Variants in CCDC88C observed in about 807,000 individuals in gnomAD.
CCDC88C encodes the protein coiled-coil and HOOK domain protein 88C.
In CCDC88C, 131 loss-of-function variants were observed where a neutral mutation model predicts 198.8. The ratio of observed to expected loss-of-function variants is 0.66; its 90% CI spans 0.57 to 0.76. The LOEUF (loss-of-function observed/expected upper bound fraction) is 0.76. CCDC88C is among the 30% of genes least tolerant of loss of function. CCDC88C has a pLI of 0.00. For synonymous variants in CCDC88C, 1,166 were observed against 1,114.7 expected, an observed-to-expected ratio of 1.05 and a Z score of -0.92; for missense variants, 2,553 against 2,631.6, an observed-to-expected ratio of 0.97 and a Z score of 0.65.
intron 3 of CCDC88C, among the ~76,000 whole-genome samples, chr14:91,376,789 G>A (rs1050138044): frequency 3.9e-5 from 6 of 152,150 alleles, no homozygotes; most frequent in African/African-American, 9.7e-5. Flanking sequence ...GGCTGCCCAC[G>A]ACACCCAGGC....
chr14:91,417,722 C>G lies in CCDC88C; in HGVS notation c.-32G>C. 6.8e-7 allele frequency: 1 copy of G among 1,479,632 alleles called. No homozygotes were observed. Among genetic ancestry groups the G allele is most frequent in the East Asian group, 2.9e-5 (1 of 34,176 alleles). The allele number at this position is 1,479,632 out of a possible 1,614,324, so 91.7% of individuals were successfully genotyped here. ...GCTGCGCCCGCCGGCTCCGCGCCCC[C>G]CGCCCCGCGTCCCCGTTCCCCCGCG... is the stretch of plus-strand genomic sequence containing the variant. On this transcript the variant is annotated 5_prime_UTR_variant, in exon 1 of 30. Coordinates refer to ENST00000389857, the MANE Select transcript of CCDC88C (RefSeq NM_001080414.4).
chr14:91,276,119 C>T (rs1314301940), intron 29 of CCDC88C, among the ~76,000 whole-genome samples: 1 of 152,026 alleles, frequency 6.6e-6, no homozygotes, highest in Non-Finnish European at 1.5e-5. Context: ...CGCGCCCGGC[C>T]AGACCAGTGG....
At chr14:91,281,134 G>A (rs1172133139) in intron 27 of CCDC88C, 1 of 507,182 alleles carries the variant, frequency 2.0e-6, no homozygotes, top group Non-Finnish European at 3.8e-6. Context: ...GGACAGCAAG[G>A]GACCTTCTTG....
intron 28 of CCDC88C, 34 bp from the exon 29 acceptor site, chr14:91,278,245 T>A (rs1246039423): frequency 1.1e-5 from 17 of 1,559,680 alleles, no homozygotes; most frequent in Non-Finnish European, 1.5e-5. Context: ...AGGACCCTCA[T>A]CAGTCTTGGC....
chr14:91,408,907 A>C (rs1203786843), intron 2 of CCDC88C, 140 bp from the exon 3 acceptor site: 2 of 643,578 alleles, frequency 3.1e-6, no homozygotes, highest in Non-Finnish European at 5.7e-6. Context: ...TTCAAGTCAA[A>C]TCCCAATCCT....
intron 4 of CCDC88C, among the ~76,000 whole-genome samples, chr14:91,350,183 C>CA (rs1893725791): frequency 6.7e-6 from 1 of 149,468 alleles, no homozygotes; most frequent in Non-Finnish European, 1.5e-5. Flanking sequence ...TTTTTGGAGA[C>CA]AGAGTCTCAC....
At chr14:91,293,781 G>C (rs946949153) in intron 23 of CCDC88C, among the ~76,000 whole-genome samples, 1 of 152,178 alleles carries the variant, frequency 6.6e-6, no homozygotes, top group Non-Finnish European at 1.5e-5. Context: ...GCACCTCACA[G>C]GGCCCAACAA....
At chr14:91,280,746 T>C (rs1890162494) in intron 27 of CCDC88C, among the ~76,000 whole-genome samples, 1 of 152,202 alleles carries the variant, frequency 6.6e-6, no homozygotes, top group Admixed American at 6.5e-5. Context: ...AGTGTAAAGA[T>C]GTAAGACTCC....
At chr14:91,353,523 T>C (rs1317711072) in intron 4 of CCDC88C, among the ~76,000 whole-genome samples, 1 of 152,160 alleles carries the variant, frequency 6.6e-6, no homozygotes. Flanking sequence ...GCTCCTTTTG[T>C]GAGCCTCTGG....
intron 23 of CCDC88C, 49 bp from the exon 24 acceptor site, chr14:91,291,133 C>G (rs868181544): frequency 9.0e-7 from 1 of 1,111,654 alleles, no homozygotes; most frequent in African/African-American, 1.5e-5. Context: ...TTAAATCAAA[C>G]AAGTGAATTT....
chr14:91,392,508 T>C (rs1885565789), intron 3 of CCDC88C, among the ~76,000 whole-genome samples: 1 of 152,174 alleles, frequency 6.6e-6, no homozygotes, highest in Admixed American at 6.5e-5. Flanking sequence ...TCAAAAGGAA[T>C]GAGATCAAAA....
Position 91,299,096 on chromosome 14 carries a change from T to C in CCDC88C, c.3779+831A>G, listed in dbSNP as rs553059261. Among the ~76,000 whole-genome samples, 3 of 152,202 alleles carry C rather than the reference T, an allele frequency of 2.0e-5. No homozygotes were observed. In the South Asian group the frequency reaches 6.2e-4, roughly 32 times the overall value. ...CCAGCCTAGGGAAAAAATATAGAAT[T>C]AGGTTCCCGGGAGCCTCTGGCCACA... On this transcript the variant is annotated intron_variant, in intron 21 of 29. Transcript: ENST00000389857.
intron 16 of CCDC88C, 98 bp from the exon 17 acceptor site, chr14:91,308,590 G>A: frequency 7.9e-7 from 1 of 1,259,388 alleles, no homozygotes; most frequent in Admixed American, 1.8e-5. Flanking sequence ...CCATTAGGCT[G>A]GGTTACGGAG....
chr14:91,293,549 TGTCCCCTCGCCTGCCACGGCC>T (rs1890845304), intron 23 of CCDC88C, among the ~76,000 whole-genome samples: 1 of 46,348 alleles, frequency 2.2e-5, no homozygotes, highest in African/African-American at 6.2e-5. Flanking sequence ...CCCACCTTCC[TGTCCCCTCGCCTGCCACGGCC>T]CACCTTCCTG....
chr14:91,410,626 G>A (rs1169938032), intron 2 of CCDC88C, among the ~76,000 whole-genome samples: 7 of 152,178 alleles, frequency 4.6e-5, no homozygotes, highest in African/African-American at 1.7e-4. Flanking sequence ...AATTTAAACT[G>A]CAAAGGCATT....
chr14:91,315,576 G>A, intron 14 of CCDC88C, 74 bp downstream of exon 14: 1 of 1,529,086 alleles, frequency 6.5e-7, no homozygotes, highest in Non-Finnish European at 9.0e-7. Flanking sequence ...ACAGTACCAG[G>A]AATGGCTGTA....
intron 29 of CCDC88C, among the ~76,000 whole-genome samples, chr14:91,274,372 T>C (rs903937257): frequency 1.3e-5 from 2 of 152,180 alleles, no homozygotes; most frequent in Non-Finnish European, 2.9e-5. Flanking sequence ...GGAGCAGGTG[T>C]CATTTGCCAC....
intron 10 of CCDC88C, among the ~76,000 whole-genome samples, chr14:91,332,734 C>T (rs1165894759): frequency 6.6e-6 from 1 of 152,234 alleles, no homozygotes; most frequent in East Asian, 1.9e-4. Flanking sequence ...TGTCTCCAAT[C>T]CCAAGGAGTC....
At chr14:91,292,760 G>A (rs1375302008) in intron 23 of CCDC88C, among the ~76,000 whole-genome samples, 2 of 152,104 alleles carry the variant, frequency 1.3e-5, no homozygotes, top group East Asian at 3.9e-4. Context: ...ACCATGGCTA[G>A]GATCCAGAAA....
Sources: allele counts gnomAD v4.1 joint callset (sites outside exome capture counted in the v4.1 genomes callset), GRCh38; gene constraint gnomAD v4.1.1; transcripts MANE v1.5; gene names NCBI Gene and HGNC (gene_info 2026-07-23, HGNC 2026-07-21).